GP2: variants seen among roughly 807,000 people sequenced by gnomAD.
GP2 encodes the protein glycoprotein 2.
GP2 carries 58 observed loss-of-function variants against 60.8 expected under a neutral mutation model. The observed-to-expected ratio is 0.95, with a 90% CI of 0.77 to 1.19. The LOEUF (loss-of-function observed/expected upper bound fraction) is 1.19, where lower values mean the gene tolerates loss of function less well. GP2 is among the 50% of genes most tolerant of loss of function. The probability of loss-of-function intolerance (pLI) is 0.00; values close to 1 mark genes in which losing one functional copy is unlikely to be tolerated. For missense variants in GP2, 647 were observed against 667.4 expected, an observed-to-expected ratio of 0.97 and a Z score of 0.34; for synonymous variants, 280 against 253.4, an observed-to-expected ratio of 1.10 and a Z score of -1.00.
intron 9 of GP2, among the ~76,000 whole-genome samples, chr16:20,315,289 A>G (rs899549111): frequency 9.2e-5 from 14 of 152,288 alleles, no homozygotes; most frequent in Admixed American, 7.2e-4. Context: ...TATTACCAAC[A>G]TTACTGCATC....
At chr16:20,320,625 T>TG (rs758235779) in intron 4 of GP2, 152 bp from the exon 5 acceptor site, 15 of 644,360 alleles carry the variant, frequency 2.3e-5, no homozygotes, top group Non-Finnish European at 3.8e-5. Context: ...TGGCAGTAGG[T>TG]GGGACTGGCA....
At position 20,314,704 on chromosome 16, in the gene GP2, G is replaced by T; in HGVS notation, c.1502-3C>A. ...CATGACACCGGGAGACTGTGCACCT[G>T]TGAACAAGAACAGAAGGGGTGGGTT... On this transcript the variant is annotated splice_region_variant and splice_polypyrimidine_tract_variant and intron_variant, in intron 9 of 10. Coordinates refer to ENST00000302555, the MANE Select transcript of GP2 (RefSeq NM_001502.4). 6.3e-7 allele frequency: 1 copy of T among 1,599,824 alleles called. No homozygotes were observed. The highest frequency in any genetic ancestry group is 8.6e-7 in the Non-Finnish European group (1 of 1,166,912).
chr16:20,321,052 T>TA (rs67659946), intron 4 of GP2, among the ~76,000 whole-genome samples: 1 of 46,054 alleles, frequency 2.2e-5, no homozygotes, highest in Non-Finnish European at 5.9e-5. Flanking sequence ...TCTGTCTCTC[T>TA]TTTTTTTTTT....
At chr16:20,320,183 C>A in intron 5 of GP2, 79 bp downstream of exon 5, 1 of 1,101,728 alleles carries the variant, frequency 9.1e-7, no homozygotes, top group Non-Finnish European at 1.4e-6. Context: ...GTGGCTTGTC[C>A]AAGATCTCAG....
At chr16:20,318,503 C>A in intron 6 of GP2, 73 bp from the exon 7 acceptor site, 1 of 1,414,286 alleles carries the variant, frequency 7.1e-7, no homozygotes, top group Non-Finnish European at 9.8e-7. Context: ...TTACTTAACA[C>A]ACTTACGAAG....
chr16:20,316,830 C>T (rs1170173743), intron 8 of GP2, among the ~76,000 whole-genome samples: 2 of 151,178 alleles, frequency 1.3e-5, no homozygotes, highest in African/African-American at 4.9e-5. Flanking sequence ...CTGCTTCCTT[C>T]CTTCTCTCCT....
chr16:20,322,358 C>A (rs1025387154), intron 4 of GP2, among the ~76,000 whole-genome samples: 1 of 152,162 alleles, frequency 6.6e-6, no homozygotes, highest in East Asian at 1.9e-4. Flanking sequence ...GCTTGCTTAC[C>A]TCCTGGGACG....
chr16:20,316,005 C>T lies in GP2; in HGVS notation c.1452G>A (p.Pro484=), dbSNP rs190842360. Residue 484 remains proline, a synonymous_variant, in exon 9 of 11, where the codon CCG becomes CCA. Coordinates refer to ENST00000302555, the MANE Select transcript of GP2 (RefSeq NM_001502.4). ...CSRSQVRSEV[P]AIDLARVLDL... ...CTAGAACCCGGGCTAGGTCGATGGC[C>T]GGTACTTCACTGCGGACTTGACTTC... The T allele has an allele frequency of 1.2e-5, 20 of 1,613,232 alleles. No homozygotes were observed. The East Asian group carries it at 2.5e-4, about 20-fold the overall frequency.
At chr16:20,323,085 A>C in intron 3 of GP2, 106 bp from the exon 4 acceptor site, 1 of 666,908 alleles carries the variant, frequency 1.5e-6, no homozygotes, top group Admixed American at 2.3e-5. Context: ...AATCTTGCCA[A>C]GGTTGTGTGA....
At chr16:20,323,418 A>G (rs375990579) in intron 3 of GP2, 20 of 717,852 alleles carry the variant, frequency 2.8e-5, no homozygotes, top group Non-Finnish European at 5.2e-5. Flanking sequence ...GAGTTAATAC[A>G]TTTGAAGTAC....
rs746562786 is a variant in GP2, at chr16:20,324,101, C to G, written c.250G>C (p.Gly84Arg). The change falls in exon 3 of 11, where the codon GGG becomes CGG. Residue 84 changes from glycine to arginine, a missense_variant. Coordinates refer to ENST00000302555, the MANE Select transcript of GP2 (RefSeq NM_001502.4). Reference protein sequence around the residue: ...RSTENSAGSQGCDKNMSGWYR... With the variant: ...RSTENSAGSQRCDKNMSGWYR... ...CAGCCGCTCATGTTTTTATCGCACC[C>G]CTGGGACCCTGCTGAGTTCTCTGTG... The G allele has an allele frequency of 6.2e-7, 1 of 1,614,184 alleles. No homozygotes were observed. Among genetic ancestry groups the G allele is most frequent in the Admixed American group, 1.7e-5 (1 of 60,020 alleles).
At chr16:20,324,381 A>G (rs573315525) in intron 2 of GP2, 125 bp from the exon 3 acceptor site, 1 of 621,854 alleles carries the variant, frequency 1.6e-6, no homozygotes, top group East Asian at 2.7e-5. Flanking sequence ...CACACGGTCC[A>G]TTAATTAAAC....
At position 20,314,582 on chromosome 16, in the gene GP2, C is replaced by T. The variant is rs1964098696; in HGVS notation, c.1546+75G>A. ...CAGTGTCCCTAGCATAGGGTCTGGG[C>T]CATAAAAGGGGCAGAATTGAAAAGA... On this transcript the variant is annotated intron_variant, in intron 10 of 10. Transcript: ENST00000302555. 3.0e-6 allele frequency: 3 copies of T among 1,006,058 alleles called. No homozygotes were observed. In the East Asian group the frequency reaches 7.1e-5, roughly 24 times the overall value. The allele number at this position is 1,006,058 out of a possible 1,614,324, so 62.3% of individuals were successfully genotyped here.
At chr16:20,324,385 A>AT in intron 2 of GP2, 129 bp from the exon 3 acceptor site, 2 of 618,142 alleles carry the variant, frequency 3.2e-6, no homozygotes, top group South Asian at 4.1e-5. Context: ...CGGTCCATTA[A>AT]TTAAACATCA....
chr16:20,323,432 G>A (rs1350262074), intron 3 of GP2: 4 of 717,738 alleles, frequency 5.6e-6, no homozygotes, highest in Admixed American at 2.0e-5. Flanking sequence ...GAAGTACTTA[G>A]GATAGCAACA....
chr16:20,311,080 C>T lies in GP2; in HGVS notation c.*143G>A. 3.3e-6 allele frequency: 2 copies of T among 598,124 alleles called. No homozygotes were observed. The highest frequency in any genetic ancestry group is 2.0e-5 in the South Asian group (1 of 50,826). 37.1% of individuals were successfully genotyped at this position (598,124 alleles called of 1,614,324 possible). On this transcript the variant is annotated 3_prime_UTR_variant, in exon 11 of 11. Coordinates refer to ENST00000302555, the MANE Select transcript of GP2 (RefSeq NM_001502.4). ...CCGAGAGTTTTAAAGAAGGTGAAAG[C>T]TCTTCCCTTTTCCTAACCTAGCTTG... is the stretch of plus-strand genomic sequence containing the variant.
At chr16:20,313,815 G>C (rs962307264) in intron 10 of GP2, among the ~76,000 whole-genome samples, 1 of 152,150 alleles carries the variant, frequency 6.6e-6, no homozygotes, top group African/African-American at 2.4e-5. Context: ...CTTCTTCCTT[G>C]TTCCCTCCAT....
At position 20,318,340 on chromosome 16, in the gene GP2, C is replaced by T. The variant is rs1964249140; in HGVS notation, c.1098G>A (p.Gly366=). 1.2e-6 allele frequency: 2 copies of T among 1,613,588 alleles called. No homozygotes were observed. The highest frequency in any genetic ancestry group is 1.1e-5 in the South Asian group (1 of 91,062). Residue 366 remains glycine, a synonymous_variant, in exon 7 of 11, where the codon GGG becomes GGA. Transcript: ENST00000302555. ...ACTCAACAGACAGTTCAACTGCATC[C>T]CCTTCGTAAGGATTCGTGTAGTTCT... ...QDQNYTNPYE[G]DAVELSVESV... is the part of the protein sequence containing the mutation.
chr16:20,314,638 G>T lies in GP2; in HGVS notation c.1546+19C>A. ...GAGAGTTGGGAAAGCTGTGGGAAAG[G>T]CATGAGAAAATGATGTACCTGCAGT... On this transcript the variant is annotated intron_variant, in intron 10 of 10. Coordinates refer to ENST00000302555, the MANE Select transcript of GP2 (RefSeq NM_001502.4). 4 of 1,537,900 alleles carry T rather than the reference G, an allele frequency of 2.6e-6. No individual in the cohort carries two copies. The highest frequency in any genetic ancestry group is 3.6e-6 in the Non-Finnish European group (4 of 1,110,336).
Sources: gnomAD v4.1 joint callset for allele counts (sites outside exome capture counted in the v4.1 genomes callset) on GRCh38, gnomAD v4.1.1 for gene constraint, MANE v1.5 for transcripts, NCBI Gene and HGNC (gene_info 2026-07-23, HGNC 2026-07-21) for gene names.